BMX: variants seen among roughly 807,000 people sequenced by gnomAD.
BMX encodes the protein cytoplasmic tyrosine-protein kinase BMX.
Under a neutral mutation model 59.2 loss-of-function variants are expected in BMX, and 31 were observed. That is an observed-to-expected ratio of 0.52 (90% CI 0.39 to 0.71). The LOEUF (loss-of-function observed/expected upper bound fraction) is 0.71, where lower values mean the gene tolerates loss of function less well. Ranked by LOEUF, BMX falls within the 30% of genes least tolerant of loss-of-function variation. The pLI is 0.00. For missense variants in BMX, 474 were observed against 491.7 expected (o/e 0.96, Z 0.34); for synonymous variants, 185 against 181.0 (o/e 1.02, Z -0.18).
In BMX at chrX:15,546,837, G is replaced by A. The variant is rs144206884; in HGVS notation, c.1711G>A (p.Gly571Arg). The A allele has an allele frequency of 1.7e-5, 21 of 1,210,300 alleles. No homozygotes were observed. The Middle Eastern group carries it at 6.9e-4, about 40-fold the overall frequency. The change falls in exon 17 of 19, where the codon GGA becomes AGA. Residue 571 changes from glycine to arginine, a missense_variant. Gly to Arg is a moderately radical substitution (Grantham distance 125). Coordinates refer to ENST00000348343, the MANE Select transcript of BMX (RefSeq NM_203281.3). ...TGATGACCAGTATGTCAGTTCAGTC[G>A]GAACAAAGTTTCCAGTCAAGTGGTC... Reference protein sequence around the residue: ...VLDDQYVSSVGTKFPVKWSAP... With the variant: ...VLDDQYVSSVRTKFPVKWSAP...
At position 15,542,091 on chromosome X, in the gene BMX, A is replaced by T; in HGVS notation, c.1504A>T (p.Arg502Trp). 2 of 1,211,526 alleles carry T rather than the reference A, an allele frequency of 1.7e-6. No homozygotes were observed. Among genetic ancestry groups the T allele is most frequent in the South Asian group, 3.5e-5 (2 of 57,025 alleles). The change falls in exon 15 of 19, where the codon AGG becomes TGG. Residue 502 changes from arginine to tryptophan, a missense_variant. Arg to Trp is a moderately radical substitution (Grantham distance 101, BLOSUM62 -3). Coordinates refer to ENST00000348343, the MANE Select transcript of BMX (RefSeq NM_203281.3). ...ISNGCLLNYL[R>W]SHGKGLEPSQ... ...CAATGGCTGCTTGCTGAATTACCTG[A>T]GGAGTCACGGAAAAGGACTTGAACC...
Position 15,522,407 on chromosome X carries a change from T to C in BMX, c.572T>C (p.Leu191Pro). 1 of 1,212,041 alleles carries C rather than the reference T, an allele frequency of 8.3e-7. No individual in the cohort carries two copies. The highest frequency in any genetic ancestry group is 1.1e-6 in the Non-Finnish European group (1 of 895,478). The change falls in exon 7 of 19, where the codon CTA becomes CCA. Residue 191 changes from leucine to proline, a missense_variant. By Grantham distance (98) the Leu-to-Pro change is moderately conservative. Coordinates refer to ENST00000348343, the MANE Select transcript of BMX (RefSeq NM_203281.3). ...GATGCACCATCTTCAAGTACCACTC[T>C]AGCCCAATATGACAACGAATCAAAG... ...KMDAPSSSTT[L>P]AQYDNESKKN... is the part of the protein sequence containing the mutation.
intron 5 of BMX, 100 bp downstream of exon 5, chrX:15,516,331 T>A (rs1602332142): frequency 9.4e-7 from 1 of 1,066,234 alleles, no homozygotes; most frequent in East Asian, 3.1e-5. Flanking sequence ...AAACAAGATG[T>A]GCCAGATTGG....
intron 1 of BMX, among the ~76,000 whole-genome samples, chrX:15,507,119 C>A (rs1280000570): frequency 1.8e-5 from 2 of 112,829 alleles, no homozygotes; most frequent in East Asian, 5.6e-4. Context: ...CCTTTCATTT[C>A]ACTCTTCTGC....
At chrX:15,502,295 G>A (rs1923597459) in intron 1 of BMX, among the ~76,000 whole-genome samples, 1 of 111,937 alleles carries the variant, frequency 8.9e-6, no homozygotes, top group South Asian at 3.8e-4. Context: ...AGCATGAGAT[G>A]CTAGCTCATG....
At chrX:15,539,922 G>A (rs1305361676) in intron 14 of BMX, among the ~76,000 whole-genome samples, 1 of 112,228 alleles carries the variant, frequency 8.9e-6, no homozygotes, top group Non-Finnish European at 1.9e-5. Context: ...TAAAAAGCCA[G>A]GAAACAACAG....
intron 4 of BMX, among the ~76,000 whole-genome samples, chrX:15,513,392 C>CT (rs949145240): frequency 2.7e-5 from 3 of 111,636 alleles, no homozygotes; most frequent in East Asian, 2.8e-4. Flanking sequence ...AAGACAGTAT[C>CT]TTTTTTTTCC....
Position 15,543,153 on chromosome X carries a change from G to A in BMX, c.1676+18G>A, listed in dbSNP as rs1374528318. On this transcript the variant is annotated intron_variant, in intron 16 of 18. Transcript: ENST00000348343. Reference sequence around the variant, plus strand: ...ATGACAAGGTAAGCCAATTCCGAAAGGGCAACCAGTGAAAGGGGGATTTCC... The same window carrying A: ...ATGACAAGGTAAGCCAATTCCGAAAAGGCAACCAGTGAAAGGGGGATTTCC... The A allele has an allele frequency of 8.4e-6, 10 of 1,189,998 alleles. No homozygotes were observed. The highest frequency in any genetic ancestry group is 1.1e-5 in the Non-Finnish European group (10 of 879,273).
chrX:15,544,476 C>T (rs959881221), intron 16 of BMX, among the ~76,000 whole-genome samples: 4 of 111,367 alleles, frequency 3.6e-5, no homozygotes, highest in African/African-American at 1.3e-4. Flanking sequence ...GGAACTGATC[C>T]CCACCTTTAC....
chrX:15,509,190 T>C, intron 2 of BMX, 139 bp from the exon 3 acceptor site: 1 of 325,562 alleles, frequency 3.1e-6, no homozygotes, highest in Non-Finnish European at 5.7e-6. Context: ...TTTTGACTAT[T>C]ACGGGGTAAT....
intron 1 of BMX, among the ~76,000 whole-genome samples, chrX:15,505,517 T>C (rs903925046): frequency 5.3e-5 from 6 of 112,460 alleles, no homozygotes; most frequent in Non-Finnish European, 9.4e-5. Flanking sequence ...TGTACATAAA[T>C]ATTTGAAAAG....
At chrX:15,512,274 G>A (rs776366298) in intron 4 of BMX, among the ~76,000 whole-genome samples, 22 of 111,905 alleles carry the variant, frequency 2.0e-4, no homozygotes, top group Middle Eastern at 4.6e-3. Flanking sequence ...GATGGGTAAA[G>A]GTGTGAAGAC....
intron 18 of BMX, among the ~76,000 whole-genome samples, chrX:15,550,264 A>G (rs1926130054): frequency 1.8e-5 from 2 of 111,714 alleles, no homozygotes; most frequent in South Asian, 7.7e-4. Flanking sequence ...GGTAAGTACT[A>G]TCATTGCTGA....
rs762701317 is a variant in BMX, at chrX:15,554,855, CTAATA to C, written c.1954-1216_1954-1212del. On this transcript the variant is annotated intron_variant, in intron 18 of 18. Coordinates refer to ENST00000348343, the MANE Select transcript of BMX (RefSeq NM_203281.3). ...ACCTTAATGGTGGTGAAATGCCACC[CTAATA>C]TTATACTAAATTTCCATATGTACTT... Among the ~76,000 whole-genome samples the C allele has an allele frequency of 3.4e-3, 375 of 111,214 alleles. 3 individuals carry two copies. Among genetic ancestry groups the C allele is most frequent in the Non-Finnish European group, 3.8e-3 (202 of 53,035 alleles).
In BMX at chrX:15,556,078, A is replaced by G. The variant is rs1299837968; in HGVS notation, c.1959A>G (p.Pro653=). The part of the protein sequence containing the change: ...QIMYSCWHEL[P]EKRPTFQQLL... ...TTCTTGTTGTTTTTGTTTAGCTTCC[A>G]GAAAAGCGTCCCACATTTCAGCAAC... Residue 653 remains proline, a synonymous_variant, in exon 19 of 19, where the codon CCA becomes CCG. Coordinates refer to ENST00000348343, the MANE Select transcript of BMX (RefSeq NM_203281.3). 15 of 1,202,715 alleles carry G rather than the reference A, an allele frequency of 1.2e-5. No individual in the cohort carries two copies. Among genetic ancestry groups the G allele is most frequent in the Non-Finnish European group, 1.7e-5 (15 of 892,060 alleles).
At chrX:15,514,238 C>G (rs760300152) in intron 4 of BMX, among the ~76,000 whole-genome samples, 48 of 112,238 alleles carry the variant, frequency 4.3e-4, no homozygotes, top group Non-Finnish European at 8.5e-4. Flanking sequence ...ATAATTTTAA[C>G]TCTTTTTGCC....
At chrX:15,551,173 G>A (rs956528416) in intron 18 of BMX, among the ~76,000 whole-genome samples, 7 of 111,735 alleles carry the variant, frequency 6.3e-5, no homozygotes, top group African/African-American at 2.3e-4. Context: ...CATGATAAAA[G>A]GAGGCTTTTG....
At chrX:15,531,027 CAT>C (rs1210299127) in intron 10 of BMX, among the ~76,000 whole-genome samples, 1 of 111,175 alleles carries the variant, frequency 9.0e-6, no homozygotes, top group Admixed American at 9.5e-5. Flanking sequence ...CTTCCAAAGG[CAT>C]GATACGGTGA....
At chrX:15,526,674 C>A (rs1924746437) in intron 9 of BMX, among the ~76,000 whole-genome samples, 1 of 107,442 alleles carries the variant, frequency 9.3e-6, no homozygotes, top group East Asian at 2.9e-4. Flanking sequence ...CAACCTCCAC[C>A]TCCTAGGTTC....
Sources: allele counts gnomAD v4.1 joint callset (sites outside exome capture counted in the v4.1 genomes callset), GRCh38; gene constraint gnomAD v4.1.1; transcripts MANE v1.5; gene names NCBI Gene and HGNC (gene_info 2026-07-23, HGNC 2026-07-21).